Variants in UBP1 observed in about 807,000 individuals in gnomAD.
UBP1 encodes the protein upstream binding protein 1.
A neutral mutation model predicts 76.1 loss-of-function variants in UBP1; 22 were observed. The observed-to-expected ratio is 0.29, with a 90% CI of 0.21 to 0.41. The LOEUF (loss-of-function observed/expected upper bound fraction) is 0.41. Among genes scored for constraint, UBP1 ranks in the 10% least tolerant of loss-of-function variants. The pLI, the probability that UBP1 is intolerant of heterozygous loss-of-function variation, is 1.00. For missense variants in UBP1, 436 were observed against 668.1 expected (o/e 0.65, Z 3.83); for synonymous variants, 224 against 237.1 (o/e 0.94, Z 0.51).
At chr3:33,438,995 G>A (rs2045244209) in intron 1 of UBP1, among the ~76,000 whole-genome samples, 1 of 152,220 alleles carries the variant, frequency 6.6e-6, no homozygotes, top group Non-Finnish European at 1.5e-5. Context: ...AAAATACAGA[G>A]TTTCCAAATT....
intron 5 of UBP1, among the ~76,000 whole-genome samples, chr3:33,411,287 C>T (rs1430089400): frequency 6.6e-6 from 1 of 152,022 alleles, no homozygotes; most frequent in Non-Finnish European, 1.5e-5. Flanking sequence ...TTTTAAATAG[C>T]AGCTTGTGTT....
rs752913605 is a variant in UBP1 at position 33,396,325 on chromosome 3, C to G, written c.1272-45G>C. 23 of 1,421,026 alleles carry G rather than the reference C, an allele frequency of 1.6e-5. No homozygotes were observed. The Admixed American group carries it at 4.0e-4, about 24-fold the overall frequency. The allele number at this position is 1,421,026 out of a possible 1,614,324, so 88.0% of individuals were successfully genotyped here. A position where few individuals can be genotyped will look rare whatever the true frequency, so the allele number is the denominator to read the frequency against. On this transcript the variant is annotated intron_variant, in intron 12 of 15. Coordinates refer to ENST00000283629, the MANE Select transcript of UBP1 (RefSeq NM_014517.5). ...CTGATGAGCCTGGGAGAGAAAGCTGCCTTACACATGTACAAATATGACAAC... is the reference window on the plus strand; with the variant it reads ...CTGATGAGCCTGGGAGAGAAAGCTGGCTTACACATGTACAAATATGACAAC...
intron 2 of UBP1, among the ~76,000 whole-genome samples, chr3:33,418,951 C>A (rs1262996841): frequency 1.3e-5 from 2 of 149,590 alleles, no homozygotes; most frequent in African/African-American, 4.9e-5. Flanking sequence ...TGTGGGTTCA[C>A]AAAAGGAAAT....
At chr3:33,434,871 G>A (rs2045180335) in intron 1 of UBP1, among the ~76,000 whole-genome samples, 1 of 151,398 alleles carries the variant, frequency 6.6e-6, no homozygotes, top group South Asian at 2.1e-4. Flanking sequence ...ATTTTTAGTA[G>A]AGACGGGGTT....
intron 5 of UBP1, 80 bp from the exon 6 acceptor site, chr3:33,409,681 T>G: frequency 6.5e-7 from 1 of 1,535,638 alleles, no homozygotes; most frequent in Non-Finnish European, 8.9e-7. Flanking sequence ...TTGAGTGACC[T>G]GACACCACTA....
In UBP1 at chr3:33,440,238, G is replaced by A. The variant is rs1477130166; in HGVS notation, c.-390C>T. Reference sequence around the variant, plus strand: ...CCTCGGGCCGCTCCGAGGACCACACGGGGGCAAGCCCTCCGCCCGCCCGTC... The same window carrying A: ...CCTCGGGCCGCTCCGAGGACCACACAGGGGCAAGCCCTCCGCCCGCCCGTC... On this transcript the variant is annotated 5_prime_UTR_variant, in exon 1 of 16. Coordinates refer to ENST00000283629, the MANE Select transcript of UBP1 (RefSeq NM_014517.5). 1 of 155,488 alleles carries A rather than the reference G, an allele frequency of 6.4e-6. No individual in the cohort carries two copies. Among genetic ancestry groups the A allele is most frequent in the African/African-American group, 2.4e-5 (1 of 41,386 alleles). 9.6% of individuals were successfully genotyped at this position (155,488 alleles called of 1,614,324 possible). A position where few individuals can be genotyped will look rare whatever the true frequency, so the allele number is the denominator to read the frequency against.
At chr3:33,425,249 G>T (rs896285242) in intron 2 of UBP1, among the ~76,000 whole-genome samples, 2 of 152,124 alleles carry the variant, frequency 1.3e-5, no homozygotes, top group African/African-American at 2.4e-5. Context: ...CAAAATCCAG[G>T]TTCCTTGCTA....
rs576495940 is a variant in UBP1 at position 33,439,810 on chromosome 3, G to A, written c.39C>T (p.Ser13=). The A allele has an allele frequency of 1.9e-6, 3 of 1,612,684 alleles. No homozygotes were observed. Among genetic ancestry groups the A allele is most frequent in the African/African-American group, 2.7e-5 (2 of 75,004 alleles). The change falls in exon 1 of 16, where the codon TCC becomes TCT. Residue 13 remains serine (S), a synonymous_variant. Transcript: ENST00000283629. ...WVLKMDEVIE[S]GLVHDFDASL... is the part of the protein sequence containing the mutation. ...TGGCGTCGAAGTCGTGCACCAGCCC[G>A]GACTCGATCACCTCGTCCATCTTGA... is the stretch of plus-strand genomic sequence containing the variant.
In UBP1 at chr3:33,439,844, G is replaced by A. The variant is rs2045262942; in HGVS notation, c.5C>T (p.Ala2Val). The change falls in exon 1 of 16, where the codon GCC becomes GTC. Residue 2 changes from alanine (A) to valine (V), a missense_variant. Physicochemically the swap from Ala to Val is moderately conservative, Grantham distance 64. Coordinates refer to ENST00000283629, the MANE Select transcript of UBP1 (RefSeq NM_014517.5). ...CACCTCGTCCATCTTGAGCACCCAG[G>A]CCATCTTCCGGCCTCGCCGTCGCCC... M[A>V]WVLKMDEVIE... 1.2e-6 allele frequency: 2 copies of A among 1,611,228 alleles called. No homozygotes were observed. Among genetic ancestry groups the A allele is most frequent in the Admixed American group, 1.7e-5 (1 of 59,842 alleles).
chr3:33,390,676 G>A (rs1575441092), intron 15 of UBP1: 1 of 372,074 alleles, frequency 2.7e-6, no homozygotes, highest in East Asian at 4.6e-5. Flanking sequence ...TGTCCATAAG[G>A]GGAGCAAGAG....
At chr3:33,425,872 T>A (rs200294558) in intron 1 of UBP1, 131 bp from the exon 2 acceptor site, 1 of 748,562 alleles carries the variant, frequency 1.3e-6, no homozygotes, top group East Asian at 3.0e-5. Context: ...ATAGTTTTTT[T>A]TTTAAGATCA....
chr3:33,441,258 G>A (rs1190325003), upstream of UBP1: 1 of 152,288 alleles, frequency 6.6e-6, no homozygotes, highest in Non-Finnish European at 1.5e-5. Context: ...AGGAGCCAGA[G>A]GCTGACTTAC....
intron 1 of UBP1, among the ~76,000 whole-genome samples, chr3:33,428,798 C>G (rs2045063757): frequency 6.8e-6 from 1 of 148,006 alleles, no homozygotes; most frequent in Non-Finnish European, 1.5e-5. Context: ...CTTACGAAAT[C>G]CTACGTCTCA....
At chr3:33,411,090 A>AG (rs1176349144) in intron 5 of UBP1, among the ~76,000 whole-genome samples, 158 of 151,636 alleles carry the variant, frequency 1.0e-3, no homozygotes, top group African/African-American at 3.7e-3. Flanking sequence ...AAAAAAAAAA[A>AG]GTGCTCCAAG....
intron 3 of UBP1, among the ~76,000 whole-genome samples, chr3:33,415,492 G>A (rs2044705409): frequency 6.6e-6 from 1 of 152,128 alleles, no homozygotes; most frequent in Non-Finnish European, 1.5e-5. Context: ...GTTGGCATGA[G>A]AACTTATGAG....
intron 2 of UBP1, among the ~76,000 whole-genome samples, chr3:33,418,438 TAGTAGAGAC>T (rs967990673): frequency 2.6e-4 from 40 of 151,910 alleles, no homozygotes; most frequent in Admixed American, 2.4e-3. Context: ...TATTATTTTT[TAGTAGAGAC>T]AGGGTTTCGC....
chr3:33,408,083 G>A (rs1575469665), intron 8 of UBP1, among the ~76,000 whole-genome samples: 1 of 152,008 alleles, frequency 6.6e-6, no homozygotes. Context: ...AATTCACAAT[G>A]CAACTGCCAA....
chr3:33,431,126 T>C lies in UBP1; in HGVS notation c.114-5385A>G, dbSNP rs574995330. ...GTCCAAATTAAGAACTCAGGTTTAA[T>C]AGCAGCTCAGACAGAAGTGAAGACT... On this transcript the variant is annotated intron_variant, in intron 1 of 15. Transcript: ENST00000283629. Among the ~76,000 whole-genome samples, 55 of 152,252 alleles carry C rather than the reference T, an allele frequency of 3.6e-4. 1 individual carries two copies. The South Asian group carries it at 9.5e-3, about 26-fold the overall frequency.
rs1225180752 is a variant in UBP1, at chr3:33,388,838, C to G, written c.*1493G>C. ...CCTTTATGAATAAAACATAAAATGT[C>G]AAAGCTTTTACTCACTGAAGTAGTT... On this transcript the variant is annotated 3_prime_UTR_variant, in exon 16 of 16. Coordinates refer to ENST00000283629, the MANE Select transcript of UBP1 (RefSeq NM_014517.5). The G allele has an allele frequency of 6.6e-6, 1 of 152,156 alleles. No individual in the cohort carries two copies. Among genetic ancestry groups the G allele is most frequent in the African/African-American group, 2.4e-5 (1 of 41,442 alleles). 9.4% of individuals were successfully genotyped at this position (152,156 alleles called of 1,614,324 possible). A position where few individuals can be genotyped will look rare whatever the true frequency, so the allele number is the denominator to read the frequency against.
Sources: allele counts gnomAD v4.1 joint callset (sites outside exome capture counted in the v4.1 genomes callset), GRCh38; gene constraint gnomAD v4.1.1; transcripts MANE v1.5; gene names NCBI Gene and HGNC (gene_info 2026-07-23, HGNC 2026-07-21).